The following RBFOX1 variants were observed in gnomAD, a reference collection of about 807,000 sequenced individuals.
The protein encoded by RBFOX1 is RNA binding fox-1 homolog 1, also known as RNA binding protein fox-1 homolog 1.
In RBFOX1, 8 loss-of-function variants were observed where a neutral mutation model predicts 57.7. That is an observed-to-expected ratio of 0.14 (90% confidence interval 0.08 to 0.25). RBFOX1 has a LOEUF of 0.25. RBFOX1 is among the 10% of genes least tolerant of loss of function. The pLI is 1.00. For synonymous variants in RBFOX1, 326 were observed against 222.4 expected (o/e 1.47, Z -4.15); for missense variants, 611 against 548.5 (o/e 1.11, Z -1.14).
At chr16:6,866,761 C>T (rs1018079031) in intron 3 of RBFOX1, among the ~76,000 whole-genome samples, 3 of 151,814 alleles carry the variant, frequency 2.0e-5, no homozygotes, top group African/African-American at 7.3e-5. Context: ...CCAGGATGGT[C>T]TCGATCTCCT....
intron 3 of RBFOX1, among the ~76,000 whole-genome samples, chr16:6,921,737 G>C (rs904430798): frequency 1.3e-5 from 2 of 151,016 alleles, no homozygotes; most frequent in Non-Finnish European, 1.5e-5. Flanking sequence ...TCATATATAT[G>C]AGCATATGTA....
At chr16:7,376,401 T>G (rs2097686631) in intron 4 of RBFOX1, among the ~76,000 whole-genome samples, 1 of 152,192 alleles carries the variant, frequency 6.6e-6, no homozygotes, top group Non-Finnish European at 1.5e-5. Flanking sequence ...TCCAGGACTT[T>G]CATCCCCATT....
At chr16:7,659,054 C>T (rs1298282015) in intron 12 of RBFOX1, among the ~76,000 whole-genome samples, 1 of 152,190 alleles carries the variant, frequency 6.6e-6, no homozygotes, top group African/African-American at 2.4e-5. Context: ...TAAGCCTAAG[C>T]ATCTAGTGTC....
intron 3 of RBFOX1, among the ~76,000 whole-genome samples, chr16:6,893,021 C>T (rs772595715): frequency 6.6e-6 from 1 of 152,152 alleles, no homozygotes; most frequent in African/African-American, 2.4e-5. Flanking sequence ...GCAAACACTG[C>T]AGTTACCTTT....
At chr16:6,981,416 G>C (rs2088833744) in intron 3 of RBFOX1, among the ~76,000 whole-genome samples, 1 of 152,100 alleles carries the variant, frequency 6.6e-6, no homozygotes, top group African/African-American at 2.4e-5. Flanking sequence ...CCCTGCAAAG[G>C]ACATCATCTT....
At chr16:5,937,139 T>C (rs2059183608) in intron 4 of RBFOX1, among the ~76,000 whole-genome samples, 1 of 152,178 alleles carries the variant, frequency 6.6e-6, no homozygotes, top group Non-Finnish European at 1.5e-5. Flanking sequence ...TGCCTGGAAA[T>C]GTGCTAATCC....
At chr16:6,726,589 C>G (rs2067242538) in intron 3 of RBFOX1, among the ~76,000 whole-genome samples, 1 of 152,100 alleles carries the variant, frequency 6.6e-6, no homozygotes, top group East Asian at 1.9e-4. Flanking sequence ...ATGTACATAG[C>G]TGCTTTCCTG....
chr16:6,234,285 G>T (rs1250670130), intron 1 of RBFOX1, among the ~76,000 whole-genome samples: 1 of 152,096 alleles, frequency 6.6e-6, no homozygotes, highest in Non-Finnish European at 1.5e-5. Context: ...AATTTCCCCT[G>T]TGTTATCTAT....
chr16:6,685,507 C>G (rs185131103), intron 3 of RBFOX1, among the ~76,000 whole-genome samples: 2 of 143,064 alleles, frequency 1.4e-5, no homozygotes, highest in South Asian at 2.2e-4. Flanking sequence ...AGGCTGCTGT[C>G]GAACTCCTCA....
chr16:6,524,445 G>A (rs377404697), intron 2 of RBFOX1, among the ~76,000 whole-genome samples: 5 of 152,256 alleles, frequency 3.3e-5, no homozygotes, highest in Middle Eastern at 3.4e-3. Context: ...AGTGTTTACC[G>A]TAGTTCTACA....
intron 4 of RBFOX1, among the ~76,000 whole-genome samples, chr16:7,384,102 G>A (rs1387332930): frequency 6.6e-6 from 1 of 150,934 alleles, no homozygotes; most frequent in Non-Finnish European, 1.5e-5. Context: ...AGTATAAATA[G>A]TGAGAAAACA....
At chr16:6,929,855 C>G (rs1206182070) in intron 3 of RBFOX1, among the ~76,000 whole-genome samples, 2 of 152,060 alleles carry the variant, frequency 1.3e-5, no homozygotes, top group Non-Finnish European at 1.5e-5. Context: ...CTCTTTTCAT[C>G]CTGACCTACA....
intron 3 of RBFOX1, among the ~76,000 whole-genome samples, chr16:5,862,572 C>T (rs749995755): frequency 3.3e-5 from 5 of 152,136 alleles, no homozygotes; most frequent in Non-Finnish European, 5.9e-5. Flanking sequence ...TGGATGGGAG[C>T]ATTGCAGAGC....
At chr16:5,533,169 A>G (rs2044554834) in intron 2 of RBFOX1, among the ~76,000 whole-genome samples, 1 of 152,132 alleles carries the variant, frequency 6.6e-6, no homozygotes, top group Admixed American at 6.5e-5. Flanking sequence ...GTAAGAACGT[A>G]TTTAGAAGGT....
intron 1 of RBFOX1, among the ~76,000 whole-genome samples, chr16:5,391,281 C>G (rs752298885): frequency 1.3e-5 from 2 of 152,178 alleles, no homozygotes; most frequent in African/African-American, 4.8e-5. Context: ...CTACATGGGT[C>G]TTATGAAGTT....
chr16:6,692,549 C>T (rs543771173), intron 3 of RBFOX1, among the ~76,000 whole-genome samples: 1 of 152,260 alleles, frequency 6.6e-6, no homozygotes, highest in South Asian at 2.1e-4. Flanking sequence ...ATTACTTCCA[C>T]TTAAGTTGTT....
At chr16:5,708,176 G>A (rs76980362) in intron 3 of RBFOX1, among the ~76,000 whole-genome samples, 2,203 of 152,210 alleles carry the variant, frequency 0.014, 59 homozygotes, top group African/African-American at 0.049. Context: ...AGAGAAACAC[G>A]TTATCTCATG....
chr16:7,663,493 T>C (rs1005189831), intron 12 of RBFOX1, among the ~76,000 whole-genome samples: 1 of 146,854 alleles, frequency 6.8e-6, no homozygotes, highest in Admixed American at 6.8e-5. Flanking sequence ...TGCGTGTGTG[T>C]GTCAGTACAG....
chr16:5,732,993 T>C (rs1020223376), intron 3 of RBFOX1, among the ~76,000 whole-genome samples: 3 of 152,176 alleles, frequency 2.0e-5, no homozygotes, highest in Admixed American at 6.5e-5. Context: ...TTTATTGCGA[T>C]GGTGACTATA....
Sources: allele counts gnomAD v4.1 joint callset (sites outside exome capture counted in the v4.1 genomes callset), GRCh38; gene constraint gnomAD v4.1.1; transcripts MANE v1.5; gene names NCBI Gene and HGNC (gene_info 2026-07-23, HGNC 2026-07-21).